Variants in KLF12 observed in about 807,000 individuals in gnomAD.
The protein encoded by KLF12 is Krueppel-like factor 12.
KLF12 carries 9 observed loss-of-function variants against 37.8 expected under a neutral mutation model. The observed-to-expected ratio is 0.24, with a 90% confidence interval of 0.14 to 0.42. The LOEUF is 0.42. Among genes scored for constraint, KLF12 ranks in the 10% least tolerant of loss-of-function variants. The pLI is 1.00. For synonymous variants in KLF12, 208 were observed against 202.1 expected (o/e 1.03, Z -0.25); for missense variants, 411 against 516.0 (o/e 0.80, Z 1.97).
At chr13:73,768,634 CA>C (rs1188525597) in intron 5 of KLF12, among the ~76,000 whole-genome samples, 3 of 152,154 alleles carry the variant, frequency 2.0e-5, no homozygotes, top group Non-Finnish European at 4.4e-5. Context: ...CATTCAAGAA[CA>C]AGACAGTAAT....
upstream of KLF12, among the ~76,000 whole-genome samples, chr13:74,137,248 T>A (rs533783251): frequency 1.3e-5 from 2 of 152,318 alleles, no homozygotes; most frequent in South Asian, 4.2e-4. Flanking sequence ...GCAAATTTAT[T>A]TCATCCTTAA....
At chr13:74,242,110 A>G in the KLF12 span, among the ~76,000 whole-genome samples, 1 of 152,232 alleles carries the variant, frequency 6.6e-6, no homozygotes, top group Non-Finnish European at 1.5e-5. Context: ...ATGTTTGTTA[A>G]TGATGTTACT....
intron 2 of KLF12, among the ~76,000 whole-genome samples, chr13:73,949,295 A>C (rs865893554): frequency 1.3e-5 from 2 of 152,238 alleles, no homozygotes; most frequent in Non-Finnish European, 2.9e-5. Flanking sequence ...GACATTGTGG[A>C]ATCTCAGTAA....
chr13:74,292,465 TG>T, the KLF12 span, among the ~76,000 whole-genome samples: 1 of 151,816 alleles, frequency 6.6e-6, no homozygotes, highest in Admixed American at 6.6e-5. Context: ...TTTTTTTTTT[TG>T]TATGTTTGTG....
chr13:73,900,318 T>G (rs1274846419), intron 3 of KLF12, among the ~76,000 whole-genome samples: 1 of 152,210 alleles, frequency 6.6e-6, no homozygotes, highest in Middle Eastern at 3.2e-3. Context: ...ATTTAAGCCA[T>G]TTCATAATAC....
chr13:74,296,312 G>A, the KLF12 span, among the ~76,000 whole-genome samples: 1 of 152,108 alleles, frequency 6.6e-6, no homozygotes, highest in East Asian at 1.9e-4. Context: ...TTAACTGTTA[G>A]AGTGGGGATT....
intron 3 of KLF12, among the ~76,000 whole-genome samples, chr13:73,851,642 A>G (rs377288549): frequency 8.5e-5 from 13 of 152,214 alleles, no homozygotes; most frequent in African/African-American, 2.7e-4. Context: ...ATTCTTTAGC[A>G]GTCTTATTAT....
chr13:73,870,147 C>A (rs1044446562), intron 3 of KLF12, among the ~76,000 whole-genome samples: 1 of 152,208 alleles, frequency 6.6e-6, no homozygotes, highest in Non-Finnish European at 1.5e-5. Context: ...TATAAATTCT[C>A]ATTTTCCCCA....
intron 3 of KLF12, among the ~76,000 whole-genome samples, chr13:73,885,812 G>A (rs1344902705): frequency 6.6e-6 from 1 of 152,216 alleles, no homozygotes; most frequent in African/African-American, 2.4e-5. Context: ...AGAAGTTAGA[G>A]AAACCATTTA....
chr13:74,088,840 G>T (rs1875477898), intron 1 of KLF12, among the ~76,000 whole-genome samples: 1 of 152,142 alleles, frequency 6.6e-6, no homozygotes, highest in Non-Finnish European at 1.5e-5. Context: ...ACTTTGAACT[G>T]TTAAAAATCA....
the KLF12 span, among the ~76,000 whole-genome samples, chr13:74,200,216 A>G: frequency 6.6e-6 from 1 of 151,972 alleles, no homozygotes; most frequent in Non-Finnish European, 1.5e-5. Flanking sequence ...GAGAAGGCCT[A>G]ATTGGATTCT....
At chr13:73,878,732 T>TA (rs1274771855) in intron 3 of KLF12, among the ~76,000 whole-genome samples, 8 of 152,238 alleles carry the variant, frequency 5.3e-5, no homozygotes, top group Admixed American at 4.6e-4. Flanking sequence ...GCCTGCCTGA[T>TA]AAAGTGAGAC....
At chr13:74,234,736 C>A in the KLF12 span, among the ~76,000 whole-genome samples, 2 of 150,946 alleles carry the variant, frequency 1.3e-5, no homozygotes, top group African/African-American at 4.9e-5. Flanking sequence ...GCCACTCTTA[C>A]CTCTTATTCG....
chr13:73,996,815 A>T (rs1892133768), intron 1 of KLF12, among the ~76,000 whole-genome samples: 1 of 151,960 alleles, frequency 6.6e-6, no homozygotes, highest in African/African-American at 2.4e-5. Flanking sequence ...AACTACAACC[A>T]CCACTCCCCC....
upstream of KLF12, among the ~76,000 whole-genome samples, chr13:74,135,670 GC>G (rs1878528197): frequency 6.6e-6 from 1 of 151,888 alleles, no homozygotes; most frequent in South Asian, 2.1e-4. Flanking sequence ...TGAGCGCGGC[GC>G]TCCGGGCACG....
chr13:73,711,437 C>G (rs1201288485), intron 7 of KLF12, among the ~76,000 whole-genome samples: 2 of 152,176 alleles, frequency 1.3e-5, no homozygotes, highest in Non-Finnish European at 2.9e-5. Flanking sequence ...CTAATGGAGA[C>G]AGTAACCTTC....
At chr13:73,909,486 TAA>T (rs2139140899) in intron 3 of KLF12, among the ~76,000 whole-genome samples, 1 of 152,354 alleles carries the variant, frequency 6.6e-6, no homozygotes, top group Non-Finnish European at 1.5e-5. Flanking sequence ...CTCTGTGGAC[TAA>T]ATGCTTTTTG....
At chr13:74,209,310 T>C in the KLF12 span, among the ~76,000 whole-genome samples, 1 of 152,004 alleles carries the variant, frequency 6.6e-6, no homozygotes. Context: ...AACACCCAGT[T>C]CTCTTCATTT....
intron 6 of KLF12, among the ~76,000 whole-genome samples, chr13:73,718,574 T>C (rs900324762): frequency 6.6e-6 from 1 of 152,088 alleles, no homozygotes; most frequent in Non-Finnish European, 1.5e-5. Flanking sequence ...TGGGCCAACA[T>C]GGTGAAACTC....
Sources: gnomAD v4.1 joint callset for allele counts (sites outside exome capture counted in the v4.1 genomes callset) on GRCh38, gnomAD v4.1.1 for gene constraint, MANE v1.5 for transcripts, NCBI Gene and HGNC (gene_info 2026-07-23, HGNC 2026-07-21) for gene names.